The following PCDHGA1 variants were observed in gnomAD, a reference collection of about 807,000 sequenced individuals.
The protein encoded by PCDHGA1 is protocadherin gamma subfamily A, 1, also known as protocadherin gamma-A1.
Under a neutral mutation model 58.0 loss-of-function variants are expected in PCDHGA1, and 32 were observed. The ratio of observed to expected loss-of-function variants is 0.55; its 90% CI spans 0.42 to 0.74. The LOEUF is 0.74. Ranked by LOEUF, PCDHGA1 falls within the 30% of genes least tolerant of loss-of-function variation. The probability of loss-of-function intolerance (pLI) is 0.00; values close to 1 mark genes in which losing one functional copy is unlikely to be tolerated. For synonymous variants in PCDHGA1, 498 were observed against 501.1 expected (o/e 0.99, Z 0.08); for missense variants, 1,205 against 1,182.3 (o/e 1.02, Z -0.28).
chr5:141,433,307 C>A, intron 1 of PCDHGA1: 1 of 913,756 alleles, frequency 1.1e-6, no homozygotes, highest in Non-Finnish European at 1.6e-6. Flanking sequence ...AATTATCCCA[C>A]CTTTGCCTCC....
chr5:141,392,757 AAT>A, intron 1 of PCDHGA1: 1 of 1,471,072 alleles, frequency 6.8e-7, no homozygotes, highest in African/African-American at 1.4e-5. Flanking sequence ...CAAGAAACTA[AAT>A]AAGACCCATT....
chr5:141,376,844 G>T (rs897403160), intron 1 of PCDHGA1: 2 of 241,996 alleles, frequency 8.3e-6, no homozygotes, highest in Non-Finnish European at 1.6e-5. Flanking sequence ...CCGCCACCGC[G>T]CCCGGCTAAT....
chr5:141,397,738 C>T (rs1211172946), intron 1 of PCDHGA1, among the ~76,000 whole-genome samples: 1 of 152,162 alleles, frequency 6.6e-6, no homozygotes, highest in East Asian at 1.9e-4. Flanking sequence ...AGAAAGATAC[C>T]TTAAAGAAGT....
intron 1 of PCDHGA1, chr5:141,410,024 G>A (rs771946302): frequency 1.9e-6 from 3 of 1,613,164 alleles, no homozygotes; most frequent in South Asian, 1.1e-5. Context: ...GTCCTACCAC[G>A]TGCTGCAGGC....
chr5:141,343,972 G>C, intron 1 of PCDHGA1: 2 of 1,390,454 alleles, frequency 1.4e-6, no homozygotes, highest in Non-Finnish European at 1.9e-6. Flanking sequence ...GAGAAAATAA[G>C]ATTGGAGTCC....
rs1177173734 is a variant in PCDHGA1, at chr5:141,491,741, G to A, written c.2422-3066G>A. ...CCGCCCCGGGCGACCCCTGGGGGCG[G>A]CACTGGAGAAGCCGCCCGTCCTCAT... On this transcript the variant is annotated intron_variant, in intron 1 of 3. Coordinates refer to ENST00000517417, the MANE Select transcript of PCDHGA1 (RefSeq NM_018912.3). The surrounding 1 kb of genome is among the most constrained non-coding windows in gnomAD (Gnocchi z 6.9). 1.9e-6 allele frequency: 3 copies of A among 1,595,644 alleles called. No homozygotes were observed. In the South Asian group the frequency reaches 3.4e-5, roughly 18 times the overall value.
At chr5:141,374,566 T>A in intron 1 of PCDHGA1, 1 of 1,613,700 alleles carries the variant, frequency 6.2e-7, no homozygotes, top group Non-Finnish European at 8.5e-7. Context: ...ATGACCCTGA[T>A]GTGGGAATGA....
chr5:141,389,990 C>T (rs2091998485), intron 1 of PCDHGA1: 3 of 1,614,044 alleles, frequency 1.9e-6, no homozygotes, highest in Non-Finnish European at 8.5e-7. Context: ...TGCTCTTCCT[C>T]GTGGCCATGA....
At chr5:141,428,606 A>G (rs1270096118) in intron 1 of PCDHGA1, 4 of 216,044 alleles carry the variant, frequency 1.9e-5, no homozygotes, top group Admixed American at 1.6e-4. Context: ...TTCACTGAAG[A>G]GAATAACAAG....
At position 141,491,658 on chromosome 5, in the gene PCDHGA1, C is replaced by A; in HGVS notation, c.2422-3149C>A. 1 of 1,613,822 alleles carries A rather than the reference C, an allele frequency of 6.2e-7. No homozygotes were observed. The highest frequency in any genetic ancestry group is 8.5e-7 in the Non-Finnish European group (1 of 1,180,016). On this transcript the variant is annotated intron_variant, in intron 1 of 3. Coordinates refer to ENST00000517417, the MANE Select transcript of PCDHGA1 (RefSeq NM_018912.3). The surrounding 1 kb of genome is among the most constrained non-coding windows in gnomAD (Gnocchi z 6.9). ...CCACAGCTCTGGCGCTGGAGCCTGA[C>A]GCCATCCGGTCCCGCTCTAATACGC... is the stretch of plus-strand genomic sequence containing the variant.
chr5:141,469,552 C>G (rs956606902), intron 1 of PCDHGA1, among the ~76,000 whole-genome samples: 1 of 151,910 alleles, frequency 6.6e-6, no homozygotes, highest in African/African-American at 2.4e-5. Context: ...TCCAGCCTGG[C>G]GACAGAGTGA....
intron 2 of PCDHGA1, among the ~76,000 whole-genome samples, chr5:141,495,645 C>T (rs2099762719): frequency 6.6e-6 from 1 of 152,208 alleles, no homozygotes; most frequent in South Asian, 2.1e-4. Context: ...CATTTGTCTA[C>T]TTGCATTGAT....
chr5:141,388,432 A>G (rs760022375), intron 1 of PCDHGA1: 2 of 1,613,878 alleles, frequency 1.2e-6, no homozygotes, highest in Non-Finnish European at 8.5e-7. Context: ...CTGATAAATA[A>G]AGAGAAATCA....
chr5:141,396,698 A>G (rs1003976752), intron 1 of PCDHGA1: 8 of 152,182 alleles, frequency 5.3e-5, no homozygotes, highest in African/African-American at 1.9e-4. Context: ...ACCTTCTTGT[A>G]GCATTTGAAT....
Position 141,485,436 on chromosome 5 carries a change from A to G in PCDHGA1, c.2422-9371A>G, listed in dbSNP as rs2099613369. On this transcript the variant is annotated intron_variant, in intron 1 of 3. Transcript: ENST00000517417. This position sits in a 1 kb window ranked among gnomAD's most constrained non-coding sequence, Gnocchi z 5.7. ...GACAGCGGAGCCCTGCTCATCAAGA[A>G]CCCAATCGACCGAGAGGCACTGTGT... 1.9e-6 allele frequency: 3 copies of G among 1,614,092 alleles called. No individual in the cohort carries two copies. The highest frequency in any genetic ancestry group is 2.7e-5 in the African/African-American group (2 of 74,934).
chr5:141,441,442 C>G (rs938839707), intron 1 of PCDHGA1: 1 of 160,500 alleles, frequency 6.2e-6, no homozygotes, highest in African/African-American at 2.4e-5. Context: ...CTCGTCCAGC[C>G]CAAGCATCAC....
rs377248872 is a variant in PCDHGA1 at position 141,489,231 on chromosome 5, C to T, written c.2422-5576C>T. 2 of 1,528,166 alleles carry T rather than the reference C, an allele frequency of 1.3e-6. No homozygotes were observed. The highest frequency in any genetic ancestry group is 1.4e-5 in the African/African-American group (1 of 72,140). The allele number at this position is 1,528,166 out of a possible 1,614,324, so 94.7% of individuals were successfully genotyped here. A position where few individuals can be genotyped will look rare whatever the true frequency, so the allele number is the denominator to read the frequency against. On this transcript the variant is annotated intron_variant, in intron 1 of 3. Transcript: ENST00000517417. This position sits in a 1 kb window ranked among gnomAD's most constrained non-coding sequence, Gnocchi z 4.5. ...CACAGACTTACTCTCCACAAAGGGA[C>T]TTCTGGGTCATGGGGCCCAAGACAC...
At chr5:141,360,876 C>G in intron 1 of PCDHGA1, 1 of 1,614,008 alleles carries the variant, frequency 6.2e-7, no homozygotes, top group Middle Eastern at 1.7e-4. Context: ...AGGACGTGTA[C>G]AGGGTCACCC....
At chr5:141,355,789 G>A in intron 1 of PCDHGA1, 2 of 1,613,670 alleles carry the variant, frequency 1.2e-6, no homozygotes, top group Non-Finnish European at 1.7e-6. Context: ...GCTGGTGCTG[G>A]AACGCGCTCT....
Sources: allele counts gnomAD v4.1 joint callset (sites outside exome capture counted in the v4.1 genomes callset), GRCh38; gene constraint gnomAD v4.1.1; non-coding constraint Gnocchi (gnomAD v3.1); transcripts MANE v1.5; gene names NCBI Gene and HGNC (gene_info 2026-07-23, HGNC 2026-07-21).